The following GPBP1L1 variants were observed in gnomAD, a reference collection of about 807,000 sequenced individuals.
GPBP1L1 encodes the protein vasculin-like protein 1.
In GPBP1L1, 23 loss-of-function variants were observed where a neutral mutation model predicts 52.5. That is an observed-to-expected ratio of 0.44 (90% CI 0.32 to 0.62). GPBP1L1 has a LOEUF of 0.62. Among genes scored for constraint, GPBP1L1 ranks in the 20% least tolerant of loss-of-function variants. The pLI, the probability that GPBP1L1 is intolerant of heterozygous loss-of-function variation, is 0.06. For synonymous variants in GPBP1L1, 243 were observed against 203.1 expected, an observed-to-expected ratio of 1.20 and a Z score of -1.67; for missense variants, 596 against 579.3, an observed-to-expected ratio of 1.03 and a Z score of -0.30.
chr1:45,628,029 T>C lies in GPBP1L1; in HGVS notation c.*227A>G, dbSNP rs146975550. 576 of 493,548 alleles carry C rather than the reference T, an allele frequency of 1.2e-3. No individual in the cohort carries two copies. The highest frequency in any genetic ancestry group is 1.5e-3 in the Non-Finnish European group (401 of 271,566). The allele number at this position is 493,548 out of a possible 1,614,324, so 30.6% of individuals were successfully genotyped here. A position where few individuals can be genotyped will look rare whatever the true frequency, so the allele number is the denominator to read the frequency against. On this transcript the variant is annotated 3_prime_UTR_variant, in exon 13 of 13. Coordinates refer to ENST00000355105, the MANE Select transcript of GPBP1L1 (RefSeq NM_021639.5). ...GTATGTGTGTGTGTGTGTGAGTGTGTTTAAAAAATCTGTCCCACCACACAA... is the reference window on the plus strand; with the variant it reads ...GTATGTGTGTGTGTGTGTGAGTGTGCTTAAAAAATCTGTCCCACCACACAA...
At chr1:45,629,426 G>A in intron 12 of GPBP1L1, 150 bp downstream of exon 12, 1 of 578,644 alleles carries the variant, frequency 1.7e-6, no homozygotes. Flanking sequence ...GCAGATTTAG[G>A]GGCCCCACTA....
Position 45,654,540 on chromosome 1 carries a change from T to C in GPBP1L1, c.477+3A>G, listed in dbSNP as rs1644859129. 1 of 1,604,662 alleles carries C rather than the reference T, an allele frequency of 6.2e-7. No homozygotes were observed. Among genetic ancestry groups the C allele is most frequent in the African/African-American group, 1.3e-5 (1 of 74,634 alleles). On this transcript the variant is annotated splice_donor_region_variant and intron_variant, in intron 6 of 12. Coordinates refer to ENST00000355105, the MANE Select transcript of GPBP1L1 (RefSeq NM_021639.5). Reference sequence around the variant, plus strand: ...AACCACACATCTAAAGATTCATACTTACAAAGTCCTCCTCTTCAAACTGCA... The same window carrying C: ...AACCACACATCTAAAGATTCATACTCACAAAGTCCTCCTCTTCAAACTGCA...
intron 12 of GPBP1L1, among the ~76,000 whole-genome samples, chr1:45,628,630 G>A (rs1328946305): frequency 6.6e-6 from 1 of 152,066 alleles, no homozygotes; most frequent in Non-Finnish European, 1.5e-5. Flanking sequence ...GATTCAGAAT[G>A]TCTGGGATGG....
chr1:45,630,930 G>C (rs909877112), intron 10 of GPBP1L1, among the ~76,000 whole-genome samples: 2 of 151,920 alleles, frequency 1.3e-5, no homozygotes, highest in Admixed American at 6.5e-5. Context: ...TAAGAGGTGT[G>C]GGGGGAAAAA....
chr1:45,672,568 C>T (rs1042503049), intron 2 of GPBP1L1, among the ~76,000 whole-genome samples: 2 of 152,020 alleles, frequency 1.3e-5, no homozygotes, highest in Non-Finnish European at 1.5e-5. Context: ...TACCAGACAT[C>T]GAAGTGGAGA....
intron 8 of GPBP1L1, among the ~76,000 whole-genome samples, chr1:45,637,117 C>A (rs982460608): frequency 1.3e-5 from 2 of 152,194 alleles, no homozygotes; most frequent in African/African-American, 4.8e-5. Flanking sequence ...CCTCCCCAGG[C>A]AGAGAAGCAC....
intron 6 of GPBP1L1, among the ~76,000 whole-genome samples, chr1:45,649,645 T>G (rs1036768414): frequency 2.6e-5 from 4 of 152,216 alleles, no homozygotes; most frequent in African/African-American, 9.7e-5. Flanking sequence ...GAGGTTTAAA[T>G]CTGTTTCACT....
At chr1:45,686,045 A>G (rs1050245728) in intron 1 of GPBP1L1, among the ~76,000 whole-genome samples, 1 of 152,240 alleles carries the variant, frequency 6.6e-6, no homozygotes, top group Non-Finnish European at 1.5e-5. Context: ...CATTTCAAGA[A>G]GGAAAGAAAA....
chr1:45,665,728 A>G (rs1385517826), intron 2 of GPBP1L1, among the ~76,000 whole-genome samples: 2 of 140,518 alleles, frequency 1.4e-5, no homozygotes, highest in African/African-American at 5.4e-5. Flanking sequence ...TGGGCAACAG[A>G]GCGAGACGCC....
At chr1:45,640,720 A>C (rs938701453) in intron 7 of GPBP1L1, among the ~76,000 whole-genome samples, 2 of 152,160 alleles carry the variant, frequency 1.3e-5, no homozygotes, top group Non-Finnish European at 2.9e-5. Context: ...ACAAGAATAA[A>C]TCCAAGCGCC....
chr1:45,639,103 A>T (rs1644634540), intron 8 of GPBP1L1, among the ~76,000 whole-genome samples: 1 of 152,204 alleles, frequency 6.6e-6, no homozygotes. Flanking sequence ...CAAAGCCTAA[A>T]ATATTTATTA....
intron 2 of GPBP1L1, among the ~76,000 whole-genome samples, chr1:45,665,277 A>C (rs1212425415): frequency 6.6e-6 from 1 of 152,092 alleles, no homozygotes; most frequent in Non-Finnish European, 1.5e-5. Flanking sequence ...ACAAAGAAAA[A>C]CAAAACATGA....
At chr1:45,683,726 C>CCT (rs1280898678) in intron 2 of GPBP1L1, among the ~76,000 whole-genome samples, 2 of 142,154 alleles carry the variant, frequency 1.4e-5, no homozygotes, top group Admixed American at 7.0e-5. Flanking sequence ...TAGGATGAAC[C>CCT]CTCCCCCTCC....
chr1:45,660,137 TATAC>T, intron 3 of GPBP1L1, 43 bp downstream of exon 3: 2 of 962,156 alleles, frequency 2.1e-6, no homozygotes, highest in Non-Finnish European at 2.5e-6. Context: ...TCATGATGCA[TATAC>T]ATAGAGTCTT....
chr1:45,683,751 CAAAAAA>C lies in GPBP1L1; in HGVS notation c.-1098+1819_-1098+1824del, dbSNP rs55857116. Among the ~76,000 whole-genome samples the C allele has an allele frequency of 8.9e-4, 83 of 93,128 alleles. 2 individuals are homozygous for C. Among genetic ancestry groups the C allele is most frequent in the African/African-American group, 2.7e-3 (60 of 22,030 alleles). 61.1% of individuals were successfully genotyped at this position (93,128 alleles called of 152,430 possible). ...CCTCCCCCTCCTCTCTAATAAAATA[CAAAAAA>C]AAAAAAAAAAAAAAATTAGCTGGGT... is the stretch of plus-strand genomic sequence containing the variant. On this transcript the variant is annotated intron_variant, in intron 2 of 12. Coordinates refer to ENST00000355105, the MANE Select transcript of GPBP1L1 (RefSeq NM_021639.5).
intron 2 of GPBP1L1, among the ~76,000 whole-genome samples, chr1:45,679,467 T>C (rs559144376): frequency 6.6e-6 from 1 of 152,304 alleles, no homozygotes; most frequent in Middle Eastern, 3.4e-3. Flanking sequence ...CTGGCACAGT[T>C]TGGGTAACAT....
At position 45,648,888 on chromosome 1, in the gene GPBP1L1, C is replaced by A. The variant is rs147081088; in HGVS notation, c.477+5655G>T. ...ACTAAAAATACAAAAATTAGCTGGGCGTAGGGGTGCGCATGCCTGTAATCC... is the reference window on the plus strand; with the variant it reads ...ACTAAAAATACAAAAATTAGCTGGGAGTAGGGGTGCGCATGCCTGTAATCC... On this transcript the variant is annotated intron_variant, in intron 6 of 12. Transcript: ENST00000355105. 5.3e-3 allele frequency among the ~76,000 whole-genome samples: 801 copies of A among 152,044 alleles called. 7 individuals are homozygous for A. The highest frequency in any genetic ancestry group is 0.014 in the African/African-American group (567 of 41,468).
chr1:45,685,465 T>C (rs1388571144), intron 2 of GPBP1L1, 111 bp downstream of exon 2: 1 of 152,094 alleles, frequency 6.6e-6, no homozygotes, highest in East Asian at 1.9e-4. Flanking sequence ...GCAGATAAAA[T>C]TGACACCACA....
chr1:45,643,399 A>T (rs1644699254), intron 6 of GPBP1L1, among the ~76,000 whole-genome samples: 1 of 152,166 alleles, frequency 6.6e-6, no homozygotes, highest in African/African-American at 2.4e-5. Context: ...TGCAGTTAAC[A>T]TTATCTAATT....
Sources: gnomAD v4.1 joint callset for allele counts (sites outside exome capture counted in the v4.1 genomes callset) on GRCh38, gnomAD v4.1.1 for gene constraint, MANE v1.5 for transcripts, NCBI Gene and HGNC (gene_info 2026-07-23, HGNC 2026-07-21) for gene names.